Variants in ZNF385D observed in about 807,000 individuals in gnomAD.
ZNF385D encodes the protein zinc finger protein 385D, also known as zinc finger protein 659.
In ZNF385D, 15 loss-of-function variants were observed where a neutral mutation model predicts 35.8. The observed-to-expected ratio is 0.42, with a 90% confidence interval of 0.28 to 0.64. The LOEUF is 0.64. Among genes scored for constraint, ZNF385D ranks in the 30% least tolerant of loss-of-function variants. The pLI is 0.23. For missense variants in ZNF385D, 474 were observed against 494.6 expected, an observed-to-expected ratio of 0.96 and a Z score of 0.39; for synonymous variants, 212 against 186.8, an observed-to-expected ratio of 1.13 and a Z score of -1.10.
intron 4 of ZNF385D, among the ~76,000 whole-genome samples, chr3:21,457,806 T>C (rs762438762): frequency 6.6e-5 from 10 of 152,216 alleles, no homozygotes; most frequent in Non-Finnish European, 1.2e-4. Context: ...TAAGTTAATT[T>C]AAGAATTACA....
chr3:21,615,948 A>T (rs2064835184), intron 2 of ZNF385D, among the ~76,000 whole-genome samples: 1 of 152,186 alleles, frequency 6.6e-6, no homozygotes, highest in Admixed American at 6.6e-5. Flanking sequence ...GGAACAGACA[A>T]CTTTCTGAAA....
intron 4 of ZNF385D, among the ~76,000 whole-genome samples, chr3:21,448,112 T>C (rs1447930322): frequency 6.6e-6 from 1 of 152,116 alleles, no homozygotes; most frequent in South Asian, 2.1e-4. Context: ...ATGTAACCGA[T>C]ATGCACTTGC....
intron 1 of ZNF385D, among the ~76,000 whole-genome samples, chr3:21,724,096 A>C (rs1342406117): frequency 3.3e-5 from 5 of 152,152 alleles, no homozygotes; most frequent in Non-Finnish European, 5.9e-5. Context: ...AGACAAGCAA[A>C]AGCTGAGAGA....
rs546845071 is a variant in ZNF385D at position 21,539,270 on chromosome 3, A to G, written c.276+25304T>C. On this transcript the variant is annotated intron_variant, in intron 3 of 7. Coordinates refer to ENST00000281523, the MANE Select transcript of ZNF385D (RefSeq NM_024697.3). This position sits in a 1 kb window ranked among gnomAD's most constrained non-coding sequence, Gnocchi z 4.0. Reference sequence around the variant, plus strand: ...GCCTATTCAGTGCTGTGTGGCTTCTACATTTCTACATAGATCACTTTCTCA... The same window carrying G: ...GCCTATTCAGTGCTGTGTGGCTTCTGCATTTCTACATAGATCACTTTCTCA... 1.8e-3 allele frequency among the ~76,000 whole-genome samples: 281 copies of G among 152,194 alleles called. 1 individual carries two copies. The highest frequency in any genetic ancestry group is 6.6e-3 in the African/African-American group (275 of 41,528).
At chr3:22,004,393 T>C (rs1696061716) in intron 3 of ZNF385D, among the ~76,000 whole-genome samples, 1 of 152,108 alleles carries the variant, frequency 6.6e-6, no homozygotes, top group South Asian at 2.1e-4. Context: ...TGGCCTAGAC[T>C]TCAAAAGCAC....
intron 2 of ZNF385D, among the ~76,000 whole-genome samples, chr3:21,638,201 T>C (rs556055936): frequency 1.3e-5 from 2 of 152,128 alleles, no homozygotes; most frequent in Non-Finnish European, 2.9e-5. Flanking sequence ...TAGTATGCAA[T>C]ATACAGTTGA....
intron 3 of ZNF385D, among the ~76,000 whole-genome samples, chr3:21,867,708 A>C (rs898803719): frequency 2.0e-5 from 3 of 150,990 alleles, no homozygotes; most frequent in African/African-American, 7.3e-5. Context: ...TCAATGTCTC[A>C]ATGCCAAGAG....
intron 3 of ZNF385D, among the ~76,000 whole-genome samples, chr3:21,869,739 C>A (rs185923510): frequency 6.6e-6 from 1 of 152,134 alleles, no homozygotes; most frequent in Admixed American, 6.6e-5. Context: ...TTAATGCCAC[C>A]TATTTGGAGT....
At chr3:22,228,654 G>T (rs1327439714) in intron 2 of ZNF385D, among the ~76,000 whole-genome samples, 2 of 152,200 alleles carry the variant, frequency 1.3e-5, no homozygotes, top group African/African-American at 2.4e-5. Flanking sequence ...GCAAAGTATT[G>T]TTCCTGGGTG....
intron 3 of ZNF385D, among the ~76,000 whole-genome samples, chr3:21,933,994 C>T (rs571255957): frequency 8.3e-6 from 1 of 120,520 alleles, no homozygotes; most frequent in Admixed American, 9.3e-5. Context: ...TACATAGTAA[C>T]TCACTGGTAA....
At chr3:21,796,592 C>A (rs113261885) in intron 3 of ZNF385D, among the ~76,000 whole-genome samples, 1 of 152,076 alleles carries the variant, frequency 6.6e-6, no homozygotes, top group African/African-American at 2.4e-5. Flanking sequence ...GACCTTCAGA[C>A]CTTACACTTT....
intron 3 of ZNF385D, among the ~76,000 whole-genome samples, chr3:21,828,599 T>C (rs1162778919): frequency 6.6e-6 from 1 of 152,214 alleles, no homozygotes; most frequent in African/African-American, 2.4e-5. Context: ...ACCTACTGTG[T>C]GTCAGGCAGG....
At chr3:21,793,796 A>T (rs2072027789) in intron 3 of ZNF385D, among the ~76,000 whole-genome samples, 1 of 152,238 alleles carries the variant, frequency 6.6e-6, no homozygotes. Flanking sequence ...CCTTAAAAAC[A>T]GCTTGACCAG....
intron 3 of ZNF385D, among the ~76,000 whole-genome samples, chr3:22,080,377 A>T (rs1184967060): frequency 6.6e-6 from 1 of 152,090 alleles, no homozygotes; most frequent in Non-Finnish European, 1.5e-5. Context: ...CACTCATTCT[A>T]CTTTTGTTTT....
At chr3:22,287,247 AGTTT>A (rs1284622717) in intron 2 of ZNF385D, among the ~76,000 whole-genome samples, 2 of 151,664 alleles carry the variant, frequency 1.3e-5, no homozygotes, top group African/African-American at 4.8e-5. Context: ...ATTAACTTTT[AGTTT>A]ATTTGTCCTC....
intron 2 of ZNF385D, among the ~76,000 whole-genome samples, chr3:22,215,455 G>A (rs2125269765): frequency 6.6e-6 from 1 of 152,050 alleles, no homozygotes; most frequent in East Asian, 1.9e-4. Flanking sequence ...GCTTCAGGGG[G>A]CGGCCGTCTT....
At chr3:21,952,104 T>C (rs1057335520) in intron 3 of ZNF385D, among the ~76,000 whole-genome samples, 6 of 148,666 alleles carry the variant, frequency 4.0e-5, no homozygotes, top group Admixed American at 2.0e-4. Context: ...TACCTTCCTA[T>C]CCAGAATGTT....
intron 3 of ZNF385D, among the ~76,000 whole-genome samples, chr3:21,887,066 G>T (rs1698584993): frequency 6.6e-6 from 1 of 152,118 alleles, no homozygotes; most frequent in Non-Finnish European, 1.5e-5. Flanking sequence ...GATGTGTCAA[G>T]TTGCCCCATT....
At chr3:22,159,204 A>G (rs1243513711) in intron 3 of ZNF385D, among the ~76,000 whole-genome samples, 2 of 152,076 alleles carry the variant, frequency 1.3e-5, no homozygotes, top group Non-Finnish European at 2.9e-5. Flanking sequence ...AAGTTCTTCA[A>G]ACTTCCCTAA....
Sources: allele counts gnomAD v4.1 joint callset (sites outside exome capture counted in the v4.1 genomes callset), GRCh38; gene constraint gnomAD v4.1.1; non-coding constraint Gnocchi (gnomAD v3.1); transcripts MANE v1.5; gene names NCBI Gene and HGNC (gene_info 2026-07-23, HGNC 2026-07-21).